The following TBXT variants were observed in gnomAD, a reference collection of about 807,000 sequenced individuals.
TBXT encodes T brachyury transcription factor.
In TBXT, 19 loss-of-function variants were observed where a neutral mutation model predicts 41.1. The ratio of observed to expected loss-of-function variants is 0.46; its 90% CI spans 0.32 to 0.68. The LOEUF (loss-of-function observed/expected upper bound fraction) is 0.68, where lower values mean the gene tolerates loss of function less well. Among genes scored for constraint, TBXT ranks in the 30% least tolerant of loss-of-function variants. The pLI is 0.03. For synonymous variants in TBXT, 213 were observed against 238.9 expected (o/e 0.89, Z 1.00); for missense variants, 536 against 582.0 (o/e 0.92, Z 0.81).
chr6:166,163,469 C>T (rs892649785), intron 5 of TBXT, among the ~76,000 whole-genome samples: 15 of 152,142 alleles, frequency 9.9e-5, no homozygotes, highest in East Asian at 7.7e-4. Context: ...TTGCAATCTC[C>T]GCCTCTCAGG....
chr6:166,163,979 G>A (rs1779035543), intron 5 of TBXT, among the ~76,000 whole-genome samples: 2 of 152,204 alleles, frequency 1.3e-5, no homozygotes, highest in Admixed American at 6.5e-5. Flanking sequence ...CTCTTGACCA[G>A]CCAGTGCTAC....
intron 3 of TBXT, 147 bp from the exon 4 acceptor site, chr6:166,165,008 AC>A: frequency 1.4e-6 from 1 of 724,772 alleles, no homozygotes; most frequent in Non-Finnish European, 2.3e-6. Context: ...TCTATTTGGA[AC>A]TGAAAATAGC....
chr6:166,162,389 C>A (rs935317545), intron 6 of TBXT, 58 bp downstream of exon 6: 1 of 1,597,176 alleles, frequency 6.3e-7, no homozygotes, highest in African/African-American at 1.3e-5. Context: ...GAATGCCTTT[C>A]CCAAAGTGGT....
In TBXT at chr6:166,162,568, A is replaced by G. The variant is rs550364175; in HGVS notation, c.786T>C (p.His262=). 6.2e-7 allele frequency: 1 copy of G among 1,614,108 alleles called. No homozygotes were observed. The highest frequency in any genetic ancestry group is 8.5e-7 in the Non-Finnish European group (1 of 1,180,004). Residue 262 remains histidine, a synonymous_variant, in exon 6 of 8, where the codon CAT becomes CAC. Transcript: ENST00000366876. ...GGGAGAGGGCACCTCCAAACTGAGG[A>G]TGAGGATTTGCAGGTGGACACAGGG... ...TSTLCPPANP[H]PQFGGALSLP...
At chr6:166,166,977 G>A in intron 1 of TBXT, 121 bp from the exon 2 acceptor site, 2 of 1,528,956 alleles carry the variant, frequency 1.3e-6, no homozygotes, top group Non-Finnish European at 8.9e-7. Context: ...GGGAACGTCC[G>A]AGGGTGACTC....
chr6:166,160,739 A>G, intron 7 of TBXT, 98 bp downstream of exon 7: 1 of 1,553,314 alleles, frequency 6.4e-7, no homozygotes. Flanking sequence ...ACAGGGACCA[A>G]GGAGAATAAG....
chr6:166,163,825 C>T (rs1477825539), intron 5 of TBXT, among the ~76,000 whole-genome samples: 1 of 152,236 alleles, frequency 6.6e-6, no homozygotes, highest in East Asian at 1.9e-4. Context: ...CCCTGGCTGC[C>T]CAGCCGGCCC....
At chr6:166,164,069 A>G (rs191851629) in intron 5 of TBXT, among the ~76,000 whole-genome samples, 25 of 152,278 alleles carry the variant, frequency 1.6e-4, no homozygotes, top group African/African-American at 6.0e-4. Flanking sequence ...GTTTCTCCCA[A>G]CAAATGCTGC....
intron 7 of TBXT, among the ~76,000 whole-genome samples, chr6:166,159,849 G>A (rs1390635551): frequency 2.0e-5 from 3 of 152,194 alleles, no homozygotes; most frequent in Non-Finnish European, 2.9e-5. Context: ...TCAACAGCTT[G>A]CAGTGTGCGG....
chr6:166,159,826 G>T (rs576559690), intron 7 of TBXT, among the ~76,000 whole-genome samples: 18 of 152,294 alleles, frequency 1.2e-4, no homozygotes, highest in African/African-American at 3.9e-4. Flanking sequence ...GAGACCCTCG[G>T]GTGGGGCCTC....
Position 166,166,820 on chromosome 6 carries a change from G to T in TBXT, c.243C>A (p.Gly81=), listed in dbSNP as rs1350625351. The change falls in exon 2 of 8, where the codon GGC becomes GGA. Residue 81 remains glycine (G), a synonymous_variant. Coordinates refer to ENST00000366876, the MANE Select transcript of TBXT (RefSeq NM_001366285.2). ...MFPVLKVNVS[G]LDPNAMYSFL... Reference sequence around the variant, plus strand: ...AGGAGTACATGGCGTTGGGGTCCAGGCCAGACACGTTCACCTTCAGCACCG... The same window carrying T: ...AGGAGTACATGGCGTTGGGGTCCAGTCCAGACACGTTCACCTTCAGCACCG... 1 of 1,613,822 alleles carries T rather than the reference G, an allele frequency of 6.2e-7. No individual in the cohort carries two copies. The highest frequency in any genetic ancestry group is 1.7e-5 in the Admixed American group (1 of 60,026).
At chr6:166,164,775 G>C (rs749046759) in intron 4 of TBXT, 25 bp downstream of exon 4, 3 of 1,612,528 alleles carry the variant, frequency 1.9e-6, no homozygotes, top group Admixed American at 1.7e-5. Flanking sequence ...TTGCCCAAGG[G>C]TATTTATAGT....
Position 166,162,517 on chromosome 6 carries a change from CCTGTCACAG to C in TBXT, c.828_836del (p.Ser276_Asp278del). On this transcript the variant is annotated inframe_deletion, in exon 6 of 8. Coordinates refer to ENST00000366876, the MANE Select transcript of TBXT (RefSeq NM_001366285.2). ...ACCGGTGGCTCCTCAGGGTTGGGTACCTGTCACAGCTGTGCGTGGAGGGGAGGGAGAGGG... is the reference window on the plus strand; with the variant it reads ...ACCGGTGGCTCCTCAGGGTTGGGTACCTGTGCGTGGAGGGGAGGGAGAGGG... The C allele has an allele frequency of 6.2e-7, 1 of 1,614,058 alleles. No homozygotes were observed. The highest frequency in any genetic ancestry group is 8.5e-7 in the Non-Finnish European group (1 of 1,180,006).
rs535252784 is a variant in TBXT at position 166,167,835 on chromosome 6, T to C, written c.-244A>G. 66 of 589,166 alleles carry C rather than the reference T, an allele frequency of 1.1e-4. No individual in the cohort carries two copies. In the African/African-American group the frequency reaches 1.1e-3, roughly 10 times the overall value. The allele number at this position is 589,166 out of a possible 1,614,324, so 36.5% of individuals were successfully genotyped here. A position where few individuals can be genotyped will look rare whatever the true frequency, so the allele number is the denominator to read the frequency against. ...ATTCCACTTGAACTCCCCAAGGCTC[T>C]ACTAGTGTAGGTCTCTGGGGACCGA... On this transcript the variant is annotated 5_prime_UTR_variant, in exon 1 of 8. Transcript: ENST00000366876.
Position 166,162,581 on chromosome 6 carries a change from G to C in TBXT, c.773C>G (p.Pro258Arg), listed in dbSNP as rs749862609. 3.1e-6 allele frequency: 5 copies of C among 1,614,002 alleles called. No individual in the cohort carries two copies. The African/African-American group carries it at 6.7e-5, about 22-fold the overall frequency. ...TCCAAACTGAGGATGAGGATTTGCA[G>C]GTGGACACAGGGTGCTGGTTCCAGG... is the stretch of plus-strand genomic sequence containing the variant. ...LLPGTSTLCP[P>R]ANPHPQFGGA... The change falls in exon 6 of 8, where the codon CCT becomes CGT. Residue 258 changes from proline to arginine, a missense_variant. Pro to Arg is a moderately radical substitution (Grantham distance 103, BLOSUM62 -2). Coordinates refer to ENST00000366876, the MANE Select transcript of TBXT (RefSeq NM_001366285.2).
chr6:166,160,980 G>A lies in TBXT; in HGVS notation c.908-14C>T, dbSNP rs1329069715. 1 of 1,613,504 alleles carries A rather than the reference G, an allele frequency of 6.2e-7. No homozygotes were observed. The highest frequency in any genetic ancestry group is 1.7e-5 in the Admixed American group (1 of 60,010). ...TGTCAGAATAGGCTAAGGGGGGAAG[G>A]TAACAAAGTGCAATTATAGATGGTG... On this transcript the variant is annotated splice_polypyrimidine_tract_variant and intron_variant, in intron 6 of 7. Coordinates refer to ENST00000366876, the MANE Select transcript of TBXT (RefSeq NM_001366285.2).
chr6:166,165,598 T>G, intron 3 of TBXT, 108 bp downstream of exon 3: 1 of 1,561,364 alleles, frequency 6.4e-7, no homozygotes, highest in Non-Finnish European at 8.8e-7. Flanking sequence ...GCAGGAAGCC[T>G]TCCTCTCAGT....
At chr6:166,162,926 C>G (rs1174300249) in intron 5 of TBXT, among the ~76,000 whole-genome samples, 1 of 152,236 alleles carries the variant, frequency 6.6e-6, no homozygotes, top group Non-Finnish European at 1.5e-5. Context: ...GTGTCTCATA[C>G]TTAGGACACA....
intron 7 of TBXT, among the ~76,000 whole-genome samples, chr6:166,159,952 G>A (rs1032075591): frequency 2.9e-4 from 27 of 92,852 alleles, no homozygotes; most frequent in East Asian, 7.0e-4. Flanking sequence ...TTCTAACCGC[G>A]GGCAATTGAA....
Sources: gnomAD v4.1 joint callset for allele counts (sites outside exome capture counted in the v4.1 genomes callset) on GRCh38, gnomAD v4.1.1 for gene constraint, MANE v1.5 for transcripts, NCBI Gene and HGNC (gene_info 2026-07-23, HGNC 2026-07-21) for gene names.